Variants in GFOD1 observed in about 807,000 individuals in gnomAD.
GFOD1 encodes the protein glucose-fructose oxidoreductase domain-containing protein 1.
In GFOD1, 9 loss-of-function variants were observed where a neutral mutation model predicts 25.4. The ratio of observed to expected loss-of-function variants is 0.35; its 90% confidence interval spans 0.21 to 0.62. The LOEUF (loss-of-function observed/expected upper bound fraction) is 0.62. Among genes scored for constraint, GFOD1 ranks in the 20% least tolerant of loss-of-function variants. The pLI is 0.72. For missense variants in GFOD1, 403 were observed against 556.9 expected, an observed-to-expected ratio of 0.72 and a Z score of 2.78; for synonymous variants, 253 against 245.6, an observed-to-expected ratio of 1.03 and a Z score of -0.28.
At chr6:13,394,403 G>A (rs1044962040) in intron 1 of GFOD1, among the ~76,000 whole-genome samples, 1 of 151,460 alleles carries the variant, frequency 6.6e-6, no homozygotes, top group African/African-American at 2.4e-5. Flanking sequence ...GCAGGAGAAC[G>A]GGTGTCTGGC....
chr6:13,391,273 A>C (rs1017104284), intron 1 of GFOD1, among the ~76,000 whole-genome samples: 1 of 152,274 alleles, frequency 6.6e-6, no homozygotes, highest in East Asian at 1.9e-4. Context: ...ACAGCTATAC[A>C]TTATTTAAGA....
intron 1 of GFOD1, among the ~76,000 whole-genome samples, chr6:13,444,894 C>T (rs933663693): frequency 2.0e-5 from 3 of 152,102 alleles, no homozygotes; most frequent in South Asian, 4.2e-4. Flanking sequence ...TGTATATGAT[C>T]GATATATACC....
chr6:13,407,409 G>C (rs73725810), intron 1 of GFOD1, among the ~76,000 whole-genome samples: 3 of 152,052 alleles, frequency 2.0e-5, no homozygotes, highest in African/African-American at 7.3e-5. Flanking sequence ...ACCAGCTCCC[G>C]GGCCTCAAAG....
chr6:13,413,227 G>C (rs1173414150), intron 1 of GFOD1, among the ~76,000 whole-genome samples: 1 of 152,146 alleles, frequency 6.6e-6, no homozygotes, highest in Non-Finnish European at 1.5e-5. Context: ...ACACTCTCCT[G>C]GGAGACAGGA....
At position 13,430,739 on chromosome 6, in the gene GFOD1, C is replaced by G. The variant is rs561195094; in HGVS notation, c.253+55899G>C. 3.4e-4 allele frequency among the ~76,000 whole-genome samples: 52 copies of G among 152,150 alleles called. No individual in the cohort carries two copies. Among genetic ancestry groups the G allele is most frequent in the African/African-American group, 1.1e-3 (47 of 41,532 alleles). ...CAGCACAGCCTCCAGACAGTGGAAACCAGGGCTATCTGTGGGTCTTGGGTG... is the reference window on the plus strand; with the variant it reads ...CAGCACAGCCTCCAGACAGTGGAAAGCAGGGCTATCTGTGGGTCTTGGGTG... On this transcript the variant is annotated intron_variant, in intron 1 of 1. Transcript: ENST00000379287. The surrounding 1 kb of genome is among the most constrained non-coding windows in gnomAD (Gnocchi z 4.1).
intron 1 of GFOD1, among the ~76,000 whole-genome samples, chr6:13,384,747 G>A (rs561026518): frequency 2.0e-5 from 3 of 152,294 alleles, no homozygotes; most frequent in South Asian, 2.1e-4. Flanking sequence ...TTCTGACCTC[G>A]AGAGTAAATC....
intron 1 of GFOD1, among the ~76,000 whole-genome samples, chr6:13,367,236 T>G (rs1322378478): frequency 1.3e-5 from 2 of 152,238 alleles, no homozygotes; most frequent in Non-Finnish European, 2.9e-5. Context: ...TAATTAAGTC[T>G]GAAGAACTTC....
chr6:13,455,559 A>C (rs1037558235), intron 1 of GFOD1, among the ~76,000 whole-genome samples: 2 of 152,238 alleles, frequency 1.3e-5, no homozygotes, highest in African/African-American at 4.8e-5. Flanking sequence ...CAGGCAAAGG[A>C]GTAAACATTA....
At position 13,385,308 on chromosome 6, in the gene GFOD1, C is replaced by G. The variant is rs188762781; in HGVS notation, c.254-19646G>C. Among the ~76,000 whole-genome samples the G allele has an allele frequency of 2.1e-4, 32 of 152,280 alleles. No homozygotes were observed. In the East Asian group the frequency reaches 5.8e-3, roughly 28 times the overall value. The stretch of plus-strand genomic sequence containing the variant: ...CACCCAGGTACCTGCCCCCATGGAG[C>G]TCTGGTCCTACTAAACTGCAAGATG... On this transcript the variant is annotated intron_variant, in intron 1 of 1. Coordinates refer to ENST00000379287, the MANE Select transcript of GFOD1 (RefSeq NM_018988.4).
rs1309966756 is a variant in GFOD1 at position 13,486,924 on chromosome 6, C to T, written c.-34G>A. ...AGAGCCGCCTGGTTCTGCTTCTGCT[C>T]GGATCTCCAGTCCAACGCGCGCACA... On this transcript the variant is annotated 5_prime_UTR_variant, in exon 1 of 2. Transcript: ENST00000379287. The T allele has an allele frequency of 1.9e-6, 3 of 1,594,994 alleles. No individual in the cohort carries two copies. Among genetic ancestry groups the T allele is most frequent in the South Asian group, 1.1e-5 (1 of 89,736 alleles).
At chr6:13,416,331 C>T (rs1222293399) in intron 1 of GFOD1, among the ~76,000 whole-genome samples, 1 of 151,996 alleles carries the variant, frequency 6.6e-6, no homozygotes, top group Non-Finnish European at 1.5e-5. Context: ...AGGGAGACAG[C>T]CAGAAAACAA....
At chr6:13,459,560 GCAAA>G (rs1003175518) in intron 1 of GFOD1, among the ~76,000 whole-genome samples, 25 of 152,140 alleles carry the variant, frequency 1.6e-4, no homozygotes, top group African/African-American at 5.8e-4. Flanking sequence ...TATCATCAGA[GCAAA>G]CAGACAACCT....
chr6:13,485,221 C>T (rs1758837588), intron 1 of GFOD1, among the ~76,000 whole-genome samples: 1 of 152,210 alleles, frequency 6.6e-6, no homozygotes, highest in Non-Finnish European at 1.5e-5. Context: ...AGCCAAATGG[C>T]CTGATGAAAA....
chr6:13,473,275 C>CAA (rs1348317581), intron 1 of GFOD1, among the ~76,000 whole-genome samples: 1 of 152,196 alleles, frequency 6.6e-6, no homozygotes, highest in Non-Finnish European at 1.5e-5. Context: ...ATGTAAGCAC[C>CAA]AAACCAGGGG....
In GFOD1 at chr6:13,360,561, A is replaced by C. The variant is rs2127553337; in HGVS notation, c.*4182T>G. On this transcript the variant is annotated 3_prime_UTR_variant, in exon 2 of 2. Transcript: ENST00000379287. Reference sequence around the variant, plus strand: ...AATAGTCAGCCAACAAGATTTTGAAAATCCCCAGCCCTGAGGCTTGCTGCA... The same window carrying C: ...AATAGTCAGCCAACAAGATTTTGAACATCCCCAGCCCTGAGGCTTGCTGCA... 2.7e-6 allele frequency: 1 copy of C among 375,924 alleles called. No individual in the cohort carries two copies. Among genetic ancestry groups the C allele is most frequent in the East Asian group, 7.4e-5 (1 of 13,574 alleles). 23.3% of individuals were successfully genotyped at this position (375,924 alleles called of 1,614,324 possible). A position where few individuals can be genotyped will look rare whatever the true frequency, so the allele number is the denominator to read the frequency against.
At chr6:13,409,515 C>G (rs1238952426) in intron 1 of GFOD1, among the ~76,000 whole-genome samples, 1 of 152,120 alleles carries the variant, frequency 6.6e-6, no homozygotes, top group Admixed American at 6.5e-5. Flanking sequence ...TCTTTATGCA[C>G]AGAGAGATAG....
At chr6:13,393,335 A>AACAG (rs1785653239) in intron 1 of GFOD1, among the ~76,000 whole-genome samples, 1 of 144,548 alleles carries the variant, frequency 6.9e-6, no homozygotes. Flanking sequence ...TAGCTTGAGG[A>AACAG]ACAGAGCGAG....
rs1239033900 is a variant in GFOD1, at chr6:13,430,131, ATGCT to A, written c.253+56503_253+56506del. ...TTCTGTGTAGCTGCACTCTGTAGGA[ATGCT>A]TGCTTTTAAAATCCAGCCAGGCCGG... On this transcript the variant is annotated intron_variant, in intron 1 of 1. Transcript: ENST00000379287. The surrounding 1 kb of genome is among the most constrained non-coding windows in gnomAD (Gnocchi z 4.1). Among the ~76,000 whole-genome samples, 2 of 152,174 alleles carry A rather than the reference ATGCT, an allele frequency of 1.3e-5. No homozygotes were observed. Among genetic ancestry groups the A allele is most frequent in the Admixed American group, 1.3e-4 (2 of 15,286 alleles).
intron 1 of GFOD1, among the ~76,000 whole-genome samples, chr6:13,384,512 C>T (rs535250542): frequency 9.2e-5 from 14 of 152,198 alleles, no homozygotes; most frequent in African/African-American, 1.4e-4. Flanking sequence ...GTTCCTGAAA[C>T]GTAGGAGCCT....
Sources: gnomAD v4.1 joint callset for allele counts (sites outside exome capture counted in the v4.1 genomes callset) on GRCh38, gnomAD v4.1.1 for gene constraint, Gnocchi (gnomAD v3.1) non-coding constraint, MANE v1.5 for transcripts, NCBI Gene and HGNC (gene_info 2026-07-23, HGNC 2026-07-21) for gene names.